Variants in MPPE1 observed in about 807,000 individuals in gnomAD.
The protein encoded by MPPE1 is metallophosphoesterase 1, also known as metallo phosphoesterase.
In MPPE1, 28 loss-of-function variants were observed where a neutral mutation model predicts 43.8. The observed-to-expected ratio is 0.64, with a 90% confidence interval of 0.47 to 0.88. The LOEUF (loss-of-function observed/expected upper bound fraction) is 0.88, where lower values mean the gene tolerates loss of function less well. Among genes scored for constraint, MPPE1 ranks in the 40% least tolerant of loss-of-function variants. The pLI is 0.00. For missense variants in MPPE1, 428 were observed against 492.2 expected, an observed-to-expected ratio of 0.87 and a Z score of 1.23; for synonymous variants, 159 against 188.5, an observed-to-expected ratio of 0.84 and a Z score of 1.28.
intron 4 of MPPE1, among the ~76,000 whole-genome samples, chr18:11,892,548 C>T (rs879508752): frequency 3.3e-5 from 5 of 151,656 alleles, no homozygotes; most frequent in African/African-American, 4.8e-5. Context: ...ACAGGAAATG[C>T]CTGTAATCCT....
At position 11,906,266 on chromosome 18, in the gene MPPE1, G is replaced by A. The variant is rs554103897; in HGVS notation, c.-156C>T. ...TTTAAAGACAGAGAGATTGGTACGA[G>A]GCTCTAAGTTGGCATCTGCTCCCCA... On this transcript the variant is annotated 5_prime_UTR_variant, in exon 2 of 11. Coordinates refer to ENST00000588072, the MANE Select transcript of MPPE1 (RefSeq NM_023075.6). The A allele has an allele frequency of 6.6e-5, 10 of 152,198 alleles. No individual in the cohort carries two copies. Among genetic ancestry groups the A allele is most frequent in the African/African-American group, 2.4e-4 (10 of 41,532 alleles). 9.4% of individuals were successfully genotyped at this position (152,198 alleles called of 1,614,324 possible). A position where few individuals can be genotyped will look rare whatever the true frequency, so the allele number is the denominator to read the frequency against.
At chr18:11,906,808 C>T (rs1486338361) in intron 1 of MPPE1, among the ~76,000 whole-genome samples, 5 of 149,412 alleles carry the variant, frequency 3.3e-5, no homozygotes, top group Non-Finnish European at 5.9e-5. Flanking sequence ...GAGCCGAGAT[C>T]GCGCCATTGC....
rs756544538 is a variant in MPPE1 at position 11,893,507 on chromosome 18, C to T, written c.351G>A (p.Leu117=). The T allele has an allele frequency of 1.9e-6, 3 of 1,614,076 alleles. No individual in the cohort carries two copies. The highest frequency in any genetic ancestry group is 2.5e-6 in the Non-Finnish European group (3 of 1,180,038). ...WLLQPEVVFI[L]GDIFDEGKWS... ...ACTTCCCTTCATCAAAGATATCCCC[C>T]AGGATGAAGACGACTTCCGGCTGCA... The change falls in exon 4 of 11, where the codon CTG becomes CTA. Residue 117 remains leucine, a synonymous_variant. Coordinates refer to ENST00000588072, the MANE Select transcript of MPPE1 (RefSeq NM_023075.6).
intron 1 of MPPE1, among the ~76,000 whole-genome samples, chr18:11,906,854 CAAAA>C (rs56796280): frequency 8.7e-6 from 1 of 115,018 alleles, no homozygotes. Flanking sequence ...AACTCCGTCT[CAAAA>C]AAAAAAAAAA....
chr18:11,886,427 T>C lies in MPPE1; in HGVS notation c.867+72A>G. On this transcript the variant is annotated intron_variant, in intron 9 of 10. Coordinates refer to ENST00000588072, the MANE Select transcript of MPPE1 (RefSeq NM_023075.6). This position sits in a 1 kb window ranked among gnomAD's most constrained non-coding sequence, Gnocchi z 4.1. ...CAAACACCTGCTCTAGCCTGGGCAC[T>C]CTGCTTGTTGACATGCAAGGTGATG... 1 of 1,607,952 alleles carries C rather than the reference T, an allele frequency of 6.2e-7. No individual in the cohort carries two copies. The highest frequency in any genetic ancestry group is 8.5e-7 in the Non-Finnish European group (1 of 1,175,768).
chr18:11,899,017 C>T (rs974251080), intron 2 of MPPE1, among the ~76,000 whole-genome samples: 5 of 152,054 alleles, frequency 3.3e-5, no homozygotes, highest in Admixed American at 2.6e-4. Flanking sequence ...AAGTGATTCT[C>T]ATGCCTCAGC....
chr18:11,886,765 C>T lies in MPPE1; in HGVS notation c.692G>A (p.Ser231Asn). The T allele has an allele frequency of 6.2e-7, 1 of 1,613,094 alleles. No homozygotes were observed. The highest frequency in any genetic ancestry group is 8.5e-7 in the Non-Finnish European group (1 of 1,179,822). The change falls in exon 8 of 11, where the codon AGC becomes AAC. Residue 231 changes from serine (S) to asparagine (N), a missense_variant. Around this residue, in one of 3 missense-constraint regions of MPPE1, gnomAD observed 379 missense variants for 402.5 expected, o/e 0.94. Coordinates refer to ENST00000588072, the MANE Select transcript of MPPE1 (RefSeq NM_023075.6). This position sits in a 1 kb window ranked among gnomAD's most constrained non-coding sequence, Gnocchi z 4.1. ...CAGCAGAGGCCCAGGTCCACACCGG[C>T]TGGAGCCACGTGCCTGCTGGGTACA... is the stretch of plus-strand genomic sequence containing the variant. Reference protein sequence around the residue: ...LNCSREARGSSRCGPGPLLPT... With the variant: ...LNCSREARGSNRCGPGPLLPT...
At chr18:11,904,317 T>G (rs1426562456) in intron 2 of MPPE1, among the ~76,000 whole-genome samples, 2 of 120,682 alleles carry the variant, frequency 1.7e-5, no homozygotes, top group Non-Finnish European at 3.1e-5. Flanking sequence ...TTTTATTTAT[T>G]TATTTATTTT....
chr18:11,901,075 G>T (rs2039145731), intron 2 of MPPE1, among the ~76,000 whole-genome samples: 2 of 152,108 alleles, frequency 1.3e-5, no homozygotes, highest in South Asian at 4.1e-4. Flanking sequence ...TTGGCAATGG[G>T]TATGTGGTAC....
intron 5 of MPPE1, among the ~76,000 whole-genome samples, chr18:11,889,128 T>C (rs1442615694): frequency 6.6e-6 from 1 of 152,178 alleles, no homozygotes; most frequent in Non-Finnish European, 1.5e-5. Flanking sequence ...CCAAAGACAA[T>C]AATTGGCCAT....
intron 2 of MPPE1, among the ~76,000 whole-genome samples, chr18:11,900,850 T>G (rs1432866951): frequency 6.8e-6 from 1 of 147,938 alleles, no homozygotes; most frequent in Admixed American, 6.8e-5. Flanking sequence ...AAGCCTGCAG[T>G]GAGCCGAGAT....
rs2036779775 is a variant in MPPE1 at position 11,883,601 on chromosome 18, A to AAAT, written c.*841_*843dup. The AAAT allele has an allele frequency of 6.5e-6, 1 of 153,576 alleles. No individual in the cohort carries two copies. The highest frequency in any genetic ancestry group is 1.5e-5 in the Non-Finnish European group (1 of 68,042). 9.5% of individuals were successfully genotyped at this position (153,576 alleles called of 1,614,324 possible). A position where few individuals can be genotyped will look rare whatever the true frequency, so the allele number is the denominator to read the frequency against. On this transcript the variant is annotated 3_prime_UTR_variant, in exon 11 of 11. Transcript: ENST00000588072. The stretch of plus-strand genomic sequence containing the variant: ...GTAGCAACGTGGTCTCCTATAGAGA[A>AAAT]AATTACACTTATCTAAAAATCTGAT...
intron 4 of MPPE1, among the ~76,000 whole-genome samples, chr18:11,891,796 T>G (rs1480018950): frequency 6.6e-6 from 1 of 152,084 alleles, no homozygotes; most frequent in Non-Finnish European, 1.5e-5. Context: ...TTTGTTTTTG[T>G]TTGGGTTGTT....
At chr18:11,894,482 T>C (rs74255571) in intron 3 of MPPE1, among the ~76,000 whole-genome samples, 7,991 of 148,112 alleles carry the variant, frequency 0.054, 404 homozygotes, top group African/African-American at 0.14. Flanking sequence ...ATCTGACAGA[T>C]GATGGCTTAA....
chr18:11,905,348 T>G (rs1194507761), intron 2 of MPPE1: 1 of 152,142 alleles, frequency 6.6e-6, no homozygotes, highest in African/African-American at 2.4e-5. Context: ...AAAAAACACC[T>G]TTTGCTCAAA....
chr18:11,893,524 C>T lies in MPPE1; in HGVS notation c.334G>A (p.Glu112Lys). 1.2e-6 allele frequency: 2 copies of T among 1,614,174 alleles called. No individual in the cohort carries two copies. The highest frequency in any genetic ancestry group is 2.2e-5 in the South Asian group (2 of 91,084). ...ATATCCCCCAGGATGAAGACGACTT[C>T]CGGCTGCAGCAACCACAGAGCTGTC... ...FQTALWLLQP[E>K]VVFILGDIFD... Residue 112 changes from glutamate (E) to lysine (K), a missense_variant, in exon 4 of 11, where the codon GAA (glutamate) becomes AAA (lysine). Transcript: ENST00000588072.
rs76876465 is a variant in MPPE1 at position 11,903,784 on chromosome 18, G to C, written c.-93+2419C>G. Among the ~76,000 whole-genome samples the C allele has an allele frequency of 4.0e-3, 614 of 152,024 alleles. 2 individuals carry two copies. Among genetic ancestry groups the C allele is most frequent in the African/African-American group, 0.014 (563 of 41,456 alleles). On this transcript the variant is annotated intron_variant, in intron 2 of 10. Coordinates refer to ENST00000588072, the MANE Select transcript of MPPE1 (RefSeq NM_023075.6). Reference sequence around the variant, plus strand: ...TCGCGCCATTGCACTCCAGCCTGGGGGACAGAGCGAGACTCCGTCTCAAAA... The same window carrying C: ...TCGCGCCATTGCACTCCAGCCTGGGCGACAGAGCGAGACTCCGTCTCAAAA...
chr18:11,885,547 G>T lies in MPPE1; in HGVS notation c.1008+129C>A, dbSNP rs547912258. 292 of 1,104,724 alleles carry T rather than the reference G, an allele frequency of 2.6e-4. 1 individual carries two copies. The South Asian group carries it at 4.0e-3, about 15-fold the overall frequency. The allele number at this position is 1,104,724 out of a possible 1,614,324, so 68.4% of individuals were successfully genotyped here. ...GGCAAGGGGCAGTGTATGGAGCTAC[G>T]TGTAGAAGGAGAGAAATTTGTGTGT... is the stretch of plus-strand genomic sequence containing the variant. On this transcript the variant is annotated intron_variant, in intron 10 of 10. Transcript: ENST00000588072.
At chr18:11,892,592 G>A (rs2038128521) in intron 4 of MPPE1, among the ~76,000 whole-genome samples, 1 of 151,158 alleles carries the variant, frequency 6.6e-6, no homozygotes, top group Admixed American at 6.6e-5. Context: ...ACAATCGCTT[G>A]AACCTGGGAG....
Sources: allele counts gnomAD v4.1 joint callset (sites outside exome capture counted in the v4.1 genomes callset), GRCh38; gene constraint gnomAD v4.1.1; regional missense constraint gnomAD v4.1.1; non-coding constraint Gnocchi (gnomAD v3.1); transcripts MANE v1.5; gene names NCBI Gene and HGNC (gene_info 2026-07-23, HGNC 2026-07-21).